KCNJ6: variants seen among roughly 807,000 people sequenced by gnomAD.
KCNJ6 encodes potassium inwardly rectifying channel subfamily J member 6.
A neutral mutation model predicts 34.2 loss-of-function variants in KCNJ6; 9 were observed. The observed-to-expected ratio is 0.26, with a 90% CI of 0.16 to 0.46. KCNJ6 has a LOEUF of 0.46. Ranked by LOEUF, KCNJ6 falls within the 20% of genes least tolerant of loss-of-function variation. The pLI is 1.00. For synonymous variants in KCNJ6, 196 were observed against 207.1 expected, an observed-to-expected ratio of 0.95 and a Z score of 0.46; for missense variants, 236 against 531.3, an observed-to-expected ratio of 0.44 and a Z score of 5.46.
At chr21:37,805,779 A>C (rs1364059732) in intron 2 of KCNJ6, among the ~76,000 whole-genome samples, 1 of 152,170 alleles carries the variant, frequency 6.6e-6, no homozygotes, top group Non-Finnish European at 1.5e-5. Flanking sequence ...ACACAGGCAG[A>C]TGTGTGGTGT....
intron 3 of KCNJ6, among the ~76,000 whole-genome samples, chr21:37,650,682 T>C (rs1414627568): frequency 6.6e-6 from 1 of 152,266 alleles, no homozygotes; most frequent in Non-Finnish European, 1.5e-5. Context: ...CTTCACACTC[T>C]GCTTATTGCT....
chr21:37,904,829 A>G (rs1224075403), intron 1 of KCNJ6, among the ~76,000 whole-genome samples: 1 of 152,168 alleles, frequency 6.6e-6, no homozygotes, highest in Admixed American at 6.5e-5. Flanking sequence ...AGATCACAAA[A>G]TAAAATGGTC....
chr21:37,723,880 T>A (rs1332860968), intron 2 of KCNJ6, among the ~76,000 whole-genome samples: 3 of 151,094 alleles, frequency 2.0e-5, no homozygotes, highest in Admixed American at 2.0e-4. Context: ...CATGTAACAA[T>A]CCTGCACACG....
At chr21:37,691,251 C>A (rs1014098660) in intron 3 of KCNJ6, among the ~76,000 whole-genome samples, 6 of 152,182 alleles carry the variant, frequency 3.9e-5, no homozygotes, top group Admixed American at 1.3e-4. Context: ...TTCCTGGCAC[C>A]CCTAGGCTCA....
intron 3 of KCNJ6, among the ~76,000 whole-genome samples, chr21:37,677,344 G>C (rs952527700): frequency 3.3e-5 from 5 of 152,166 alleles, no homozygotes; most frequent in African/African-American, 1.2e-4. Context: ...GTTCCATCCA[G>C]AGATCAACTT....
At chr21:37,781,455 C>T (rs1270259415) in intron 2 of KCNJ6, among the ~76,000 whole-genome samples, 1 of 152,114 alleles carries the variant, frequency 6.6e-6, no homozygotes, top group African/African-American at 2.4e-5. Context: ...GTCTTAGAAA[C>T]AGGATTTATC....
At chr21:37,913,616 G>C (rs968762217) in intron 1 of KCNJ6, among the ~76,000 whole-genome samples, 2 of 152,118 alleles carry the variant, frequency 1.3e-5, no homozygotes, top group Admixed American at 6.6e-5. Flanking sequence ...TCATGAGTTC[G>C]AGACCAGCCT....
chr21:37,890,499 C>T (rs538627973), intron 1 of KCNJ6, among the ~76,000 whole-genome samples: 28 of 152,270 alleles, frequency 1.8e-4, no homozygotes, highest in African/African-American at 2.6e-4. Flanking sequence ...TTTTAACCTA[C>T]GACATAAAAG....
chr21:37,859,321 A>C lies in KCNJ6; in HGVS notation c.-27-18612T>G, dbSNP rs529022531. On this transcript the variant is annotated intron_variant, in intron 1 of 3. Transcript: ENST00000609713. The stretch of plus-strand genomic sequence containing the variant: ...TTTTTTAAAATTTTATAAGATGTAT[A>C]ACTAAGGACACAAAAGCACACATAT... Among the ~76,000 whole-genome samples, 288 of 151,310 alleles carry C rather than the reference A, an allele frequency of 1.9e-3. 4 individuals are homozygous for C. Among genetic ancestry groups the C allele is most frequent in the Non-Finnish European group, 3.4e-3 (229 of 67,788 alleles).
In KCNJ6 at chr21:37,620,812, G is replaced by A. The variant is rs1023242078; in HGVS notation, c.*4347C>T. On this transcript the variant is annotated 3_prime_UTR_variant, in exon 4 of 4. Transcript: ENST00000609713. ...ACCATGTTGGGTAAAATATTGTTGG[G>A]TTATTATTATATATTCTGTGATTTA... is the stretch of plus-strand genomic sequence containing the variant. 1 of 152,106 alleles carries A rather than the reference G, an allele frequency of 6.6e-6. No homozygotes were observed. The highest frequency in any genetic ancestry group is 1.5e-5 in the Non-Finnish European group (1 of 68,034). The allele number at this position is 152,106 out of a possible 1,614,324, so 9.4% of individuals were successfully genotyped here.
intron 3 of KCNJ6, among the ~76,000 whole-genome samples, chr21:37,704,904 G>T (rs1252691268): frequency 6.6e-6 from 1 of 152,066 alleles, no homozygotes; most frequent in African/African-American, 2.4e-5. Context: ...TGCACTTTGG[G>T]TTATACTTGG....
intron 3 of KCNJ6, among the ~76,000 whole-genome samples, chr21:37,684,984 A>G (rs1024439110): frequency 1.3e-5 from 2 of 152,252 alleles, no homozygotes; most frequent in African/African-American, 4.8e-5. Flanking sequence ...CATTAACAAA[A>G]AAATCAATAA....
At chr21:37,718,460 A>AT (rs2123455841) in intron 2 of KCNJ6, among the ~76,000 whole-genome samples, 1 of 152,286 alleles carries the variant, frequency 6.6e-6, no homozygotes, top group South Asian at 2.1e-4. Context: ...CCGAAGATGA[A>AT]TGTCTGGGTT....
At chr21:37,666,763 T>C (rs1248721090) in intron 3 of KCNJ6, among the ~76,000 whole-genome samples, 3 of 152,046 alleles carry the variant, frequency 2.0e-5, no homozygotes, top group Middle Eastern at 3.4e-3. Flanking sequence ...TGTGTCTGTG[T>C]AGAAAGAAGT....
rs374542125 is a variant in KCNJ6 at position 37,617,040 on chromosome 21, CTT to C, written c.*8117_*8118del. 3 of 16,952 alleles carry C rather than the reference CTT, an allele frequency of 1.8e-4. No homozygotes were observed. Among genetic ancestry groups the C allele is most frequent in the African/African-American group, 5.4e-4 (3 of 5,594 alleles). The allele number at this position is 16,952 out of a possible 1,614,324, so 1.1% of individuals were successfully genotyped here. ...TCTTTCTTTCTTTCTTTCTTTCTTT[CTT>C]TCTTTCTTTCTTTTCTTTTCTTTTC... On this transcript the variant is annotated 3_prime_UTR_variant, in exon 4 of 4. Coordinates refer to ENST00000609713, the MANE Select transcript of KCNJ6 (RefSeq NM_002240.5).
chr21:37,637,867 G>T (rs2054364966), intron 3 of KCNJ6, among the ~76,000 whole-genome samples: 1 of 152,214 alleles, frequency 6.6e-6, no homozygotes. Context: ...GCAAGAAGGT[G>T]GTTGTCCTAC....
At chr21:37,708,471 G>A (rs1601429461) in intron 3 of KCNJ6, among the ~76,000 whole-genome samples, 1 of 152,166 alleles carries the variant, frequency 6.6e-6, no homozygotes, top group East Asian at 1.9e-4. Context: ...CATATTGGAA[G>A]GAAGCCCTGA....
intron 1 of KCNJ6, among the ~76,000 whole-genome samples, chr21:37,852,217 T>C (rs1284380371): frequency 6.6e-6 from 1 of 152,194 alleles, no homozygotes; most frequent in Non-Finnish European, 1.5e-5. Flanking sequence ...ATTCTGAATT[T>C]TCCTTCTTGC....
At chr21:37,659,469 T>C (rs2054478433) in intron 3 of KCNJ6, among the ~76,000 whole-genome samples, 1 of 152,138 alleles carries the variant, frequency 6.6e-6, no homozygotes, top group Non-Finnish European at 1.5e-5. Flanking sequence ...CCAGCCCTCC[T>C]TGGGCAGGTC....
Sources: allele counts gnomAD v4.1 joint callset (sites outside exome capture counted in the v4.1 genomes callset), GRCh38; gene constraint gnomAD v4.1.1; transcripts MANE v1.5; gene names NCBI Gene and HGNC (gene_info 2026-07-23, HGNC 2026-07-21).